The following CCDC73 variants were observed in gnomAD, a reference collection of about 807,000 sequenced individuals.
The protein encoded by CCDC73 is coiled-coil domain-containing protein 73.
In CCDC73, 95 loss-of-function variants were observed where a neutral mutation model predicts 116.5. That is an observed-to-expected ratio of 0.82 (90% confidence interval 0.69 to 0.97). CCDC73 has a LOEUF of 0.97. CCDC73 is among the 50% of genes least tolerant of loss of function. The probability of loss-of-function intolerance (pLI) is 0.00; values close to 1 mark genes in which losing one functional copy is unlikely to be tolerated. For synonymous variants in CCDC73, 398 were observed against 401.3 expected (o/e 0.99, Z 0.10); for missense variants, 1,066 against 1,206.8 (o/e 0.88, Z 1.73).
intron 3 of CCDC73, among the ~76,000 whole-genome samples, chr11:32,709,625 G>A (rs1270729544): frequency 6.6e-6 from 1 of 152,174 alleles, no homozygotes; most frequent in Non-Finnish European, 1.5e-5. Context: ...CTAGTATTTT[G>A]TTGAGGATTT....
rs577423453 is a variant in CCDC73 at position 32,632,380 on chromosome 11, C to T, written c.1185+3316G>A. Among the ~76,000 whole-genome samples the T allele has an allele frequency of 5.3e-5, 8 of 152,266 alleles. No homozygotes were observed. The South Asian group carries it at 1.7e-3, about 32-fold the overall frequency. On this transcript the variant is annotated intron_variant, in intron 14 of 17. Transcript: ENST00000335185. ...AGCTGGAACTACAGGCGCGTGCCAC[C>T]ATGCCCGGATAATTTTTCCTATTTT... is the stretch of plus-strand genomic sequence containing the variant.
At chr11:32,665,428 C>T (rs1463387630) in intron 9 of CCDC73, among the ~76,000 whole-genome samples, 1 of 152,070 alleles carries the variant, frequency 6.6e-6, no homozygotes, top group Non-Finnish European at 1.5e-5. Context: ...TTCTTTGTCC[C>T]TTTTGATCTT....
At chr11:32,757,230 A>G (rs1360581571) in intron 2 of CCDC73, among the ~76,000 whole-genome samples, 1 of 152,162 alleles carries the variant, frequency 6.6e-6, no homozygotes, top group East Asian at 1.9e-4. Context: ...AAAAATCTAG[A>G]ACAGAGATAA....
chr11:32,654,790 C>A, intron 10 of CCDC73, 54 bp downstream of exon 10: 3 of 1,249,092 alleles, frequency 2.4e-6, no homozygotes, highest in South Asian at 1.7e-5. Flanking sequence ...CTGAAATTCT[C>A]ATAAGTTTTA....
intron 10 of CCDC73, 22 bp downstream of exon 10, chr11:32,654,822 A>G: frequency 2.1e-6 from 3 of 1,403,340 alleles, no homozygotes; most frequent in Non-Finnish European, 2.9e-6. Context: ...AATGTTATAA[A>G]CAAATACATT....
chr11:32,736,451 C>G (rs974338551), intron 2 of CCDC73, among the ~76,000 whole-genome samples: 1 of 152,174 alleles, frequency 6.6e-6, no homozygotes, highest in African/African-American at 2.4e-5. Context: ...CAAATCAAAA[C>G]CACAGTGAGA....
chr11:32,625,196 T>C (rs946518487), intron 14 of CCDC73, among the ~76,000 whole-genome samples: 1 of 152,236 alleles, frequency 6.6e-6, no homozygotes, highest in Non-Finnish European at 1.5e-5. Flanking sequence ...ATGGGTTTCC[T>C]GAATACAGCA....
chr11:32,703,198 C>T (rs1849828401), intron 3 of CCDC73, among the ~76,000 whole-genome samples: 1 of 152,100 alleles, frequency 6.6e-6, no homozygotes, highest in African/African-American at 2.4e-5. Flanking sequence ...GGTGATTCTC[C>T]TGCCTCAGCC....
chr11:32,645,291 C>CTTTTT (rs397689348), intron 12 of CCDC73, among the ~76,000 whole-genome samples: 6 of 121,066 alleles, frequency 5.0e-5, no homozygotes, highest in East Asian at 2.2e-4. Flanking sequence ...TTTTCTTTTT[C>CTTTTT]TTTTTTTTTT....
intron 9 of CCDC73, among the ~76,000 whole-genome samples, chr11:32,672,610 T>A (rs1306293833): frequency 6.6e-6 from 1 of 152,224 alleles, no homozygotes; most frequent in East Asian, 1.9e-4. Context: ...TAGTTATTTA[T>A]ATTTGTATTT....
chr11:32,765,090 A>G (rs1405911788), intron 1 of CCDC73, among the ~76,000 whole-genome samples: 1 of 152,194 alleles, frequency 6.6e-6, no homozygotes, highest in African/African-American at 2.4e-5. Flanking sequence ...TGCACCCAAT[A>G]CAGGATCACC....
chr11:32,642,420 A>C (rs1314914194), intron 12 of CCDC73, among the ~76,000 whole-genome samples: 1 of 152,016 alleles, frequency 6.6e-6, no homozygotes, highest in African/African-American at 2.4e-5. Context: ...GCCTAACTCT[A>C]CTAAAGAAAT....
chr11:32,754,951 G>A (rs999538907), intron 2 of CCDC73, among the ~76,000 whole-genome samples: 6 of 132,670 alleles, frequency 4.5e-5, no homozygotes, highest in East Asian at 2.4e-4. Context: ...ACAATGGCAC[G>A]ATCTTGGCTC....
chr11:32,626,488 T>C (rs1195239200), intron 14 of CCDC73, among the ~76,000 whole-genome samples: 1 of 152,096 alleles, frequency 6.6e-6, no homozygotes, highest in Non-Finnish European at 1.5e-5. Flanking sequence ...TTAAAGTTCA[T>C]ATGGAACCAA....
chr11:32,649,564 T>C (rs1855808839), intron 12 of CCDC73, among the ~76,000 whole-genome samples: 1 of 152,144 alleles, frequency 6.6e-6, no homozygotes, highest in Non-Finnish European at 1.5e-5. Flanking sequence ...AGAATGCTCC[T>C]CAAGAAAACA....
chr11:32,700,882 A>G, intron 4 of CCDC73, 56 bp from the exon 5 acceptor site: 1 of 767,226 alleles, frequency 1.3e-6, no homozygotes. Context: ...AGTGATCTAT[A>G]CTGGTCACTG....
Position 32,791,081 on chromosome 11 carries a change from T to A in CCDC73, c.-16+3532A>T, listed in dbSNP as rs142726468. 8.1e-4 allele frequency among the ~76,000 whole-genome samples: 124 copies of A among 152,338 alleles called. 1 individual carries two copies. Among genetic ancestry groups the A allele is most frequent in the African/African-American group, 3.0e-3 (124 of 41,590 alleles). ...ACTGAAAATAAGTTTTAGTTTTATATGAAATTAATCAGTGCCAGAAAATCT... is the reference window on the plus strand; with the variant it reads ...ACTGAAAATAAGTTTTAGTTTTATAAGAAATTAATCAGTGCCAGAAAATCT... On this transcript the variant is annotated intron_variant, in intron 1 of 17. Coordinates refer to ENST00000335185, the MANE Select transcript of CCDC73 (RefSeq NM_001008391.4).
chr11:32,739,386 T>C (rs113531180), intron 2 of CCDC73, among the ~76,000 whole-genome samples: 2,579 of 152,238 alleles, frequency 0.017, 76 homozygotes, highest in African/African-American at 0.057. Flanking sequence ...CAATGTTTTA[T>C]AGTTTTCATT....
intron 3 of CCDC73, among the ~76,000 whole-genome samples, chr11:32,712,718 G>C (rs1420374568): frequency 1.3e-5 from 2 of 151,352 alleles, no homozygotes; most frequent in East Asian, 1.9e-4. Flanking sequence ...TCTTACCTAA[G>C]CTTACATATA....
Sources: gnomAD v4.1 joint callset for allele counts (sites outside exome capture counted in the v4.1 genomes callset) on GRCh38, gnomAD v4.1.1 for gene constraint, MANE v1.5 for transcripts, NCBI Gene and HGNC (gene_info 2026-07-23, HGNC 2026-07-21) for gene names.